Variants in UGGT2 observed in about 807,000 individuals in gnomAD.
UGGT2 encodes the protein UDP-glucose glycoprotein glucosyltransferase 2, also known as UDP-glucose:glycoprotein glucosyltransferase 2.
UGGT2 carries 180 observed loss-of-function variants against 192.1 expected under a neutral mutation model. The ratio of observed to expected loss-of-function variants is 0.94; its 90% CI spans 0.83 to 1.06. The LOEUF (loss-of-function observed/expected upper bound fraction) is 1.06. Ranked by LOEUF, UGGT2 falls within the 50% of genes least tolerant of loss-of-function variation. The pLI is 0.00. For synonymous variants in UGGT2, 580 were observed against 591.0 expected, an observed-to-expected ratio of 0.98 and a Z score of 0.27; for missense variants, 1,849 against 1,795.7, an observed-to-expected ratio of 1.03 and a Z score of -0.54.
intron 38 of UGGT2, among the ~76,000 whole-genome samples, chr13:95,813,669 A>G (rs1176426751): frequency 2.6e-5 from 4 of 152,254 alleles, no homozygotes; most frequent in Non-Finnish European, 5.9e-5. Context: ...TGCTAGAGAT[A>G]TTCGCATAAC....
In UGGT2 at chr13:95,939,873, T is replaced by A. The variant is rs566177382; in HGVS notation, c.1812+84A>T. On this transcript the variant is annotated intron_variant, in intron 16 of 38. Coordinates refer to ENST00000376747, the MANE Select transcript of UGGT2 (RefSeq NM_020121.4). The stretch of plus-strand genomic sequence containing the variant: ...CTGTTTCTGTGAGTCTGACTTTTTT[T>A]AAAGATTCTACATGAGTAGAGATCA... 4.6e-5 allele frequency: 55 copies of A among 1,184,686 alleles called. No homozygotes were observed. The African/African-American group carries it at 8.1e-4, about 17-fold the overall frequency. The allele number at this position is 1,184,686 out of a possible 1,614,324, so 73.4% of individuals were successfully genotyped here. A position where few individuals can be genotyped will look rare whatever the true frequency, so the allele number is the denominator to read the frequency against.
At chr13:95,818,826 T>C (rs1011272614) in intron 38 of UGGT2, among the ~76,000 whole-genome samples, 2 of 152,162 alleles carry the variant, frequency 1.3e-5, no homozygotes, top group Non-Finnish European at 2.9e-5. Context: ...AACAGAGACC[T>C]GCAGGAAGAA....
chr13:95,964,098 T>C (rs1373963185), intron 12 of UGGT2, among the ~76,000 whole-genome samples: 2 of 152,024 alleles, frequency 1.3e-5, no homozygotes, highest in South Asian at 2.1e-4. Flanking sequence ...CAAAACAGCA[T>C]GGTATTGATA....
chr13:95,801,585 A>G lies in UGGT2; in HGVS notation c.*205T>C. On this transcript the variant is annotated 3_prime_UTR_variant, in exon 39 of 39. Coordinates refer to ENST00000376747, the MANE Select transcript of UGGT2 (RefSeq NM_020121.4). ...AGGAAAAAGGAACAATCAGGTTTTA[A>G]ATACTCAATGGTCATTTATTATATA... 1 of 491,700 alleles carries G rather than the reference A, an allele frequency of 2.0e-6. No individual in the cohort carries two copies. Among genetic ancestry groups the G allele is most frequent in the South Asian group, 4.0e-5 (1 of 25,224 alleles). 30.5% of individuals were successfully genotyped at this position (491,700 alleles called of 1,614,324 possible).
intron 38 of UGGT2, among the ~76,000 whole-genome samples, chr13:95,825,089 A>G (rs1885887307): frequency 6.6e-6 from 1 of 152,066 alleles, no homozygotes; most frequent in South Asian, 2.1e-4. Context: ...TGTGGTTGTA[A>G]TAGTCATGTA....
intron 20 of UGGT2, among the ~76,000 whole-genome samples, chr13:95,922,624 C>T (rs1013635905): frequency 6.6e-6 from 1 of 151,508 alleles, no homozygotes; most frequent in African/African-American, 2.4e-5. Flanking sequence ...GAGTGTGACA[C>T]CAGCCTGGAT....
Position 95,952,741 on chromosome 13 carries a change from T to C in UGGT2, c.1336-3287A>G, listed in dbSNP as rs148028885. Among the ~76,000 whole-genome samples the C allele has an allele frequency of 3.2e-3, 491 of 152,246 alleles. 2 individuals carry two copies. Among genetic ancestry groups the C allele is most frequent in the African/African-American group, 0.011 (475 of 41,556 alleles). Reference sequence around the variant, plus strand: ...ATGAAGATAATATGAAAATCATAGCTTATGAGATTAGGAGACTGACATGTT... The same window carrying C: ...ATGAAGATAATATGAAAATCATAGCCTATGAGATTAGGAGACTGACATGTT... On this transcript the variant is annotated intron_variant, in intron 12 of 38. Transcript: ENST00000376747.
At chr13:95,816,851 G>A (rs1228922755) in intron 38 of UGGT2, among the ~76,000 whole-genome samples, 2 of 152,200 alleles carry the variant, frequency 1.3e-5, no homozygotes, top group African/African-American at 4.8e-5. Flanking sequence ...ACTGGGCTGG[G>A]CACAGTGGCT....
intron 1 of UGGT2, among the ~76,000 whole-genome samples, chr13:96,034,661 C>T (rs184306122): frequency 6.6e-6 from 1 of 152,334 alleles, no homozygotes; most frequent in African/African-American, 2.4e-5. Context: ...CCTGGTATCT[C>T]CAAGCTTCCA....
intron 13 of UGGT2, among the ~76,000 whole-genome samples, chr13:95,948,843 G>A (rs1442705778): frequency 1.3e-5 from 2 of 152,184 alleles, no homozygotes; most frequent in Non-Finnish European, 2.9e-5. Flanking sequence ...ATCTTCAATT[G>A]TAGTTCTCAT....
chr13:95,915,287 T>A (rs2048646035), intron 20 of UGGT2, among the ~76,000 whole-genome samples: 1 of 152,220 alleles, frequency 6.6e-6, no homozygotes, highest in Non-Finnish European at 1.5e-5. Flanking sequence ...GTCTGCAACC[T>A]GACTCTCTGC....
chr13:95,893,670 G>A (rs1295618653), intron 24 of UGGT2, among the ~76,000 whole-genome samples: 4 of 152,008 alleles, frequency 2.6e-5, no homozygotes, highest in East Asian at 3.9e-4. Flanking sequence ...CTCTTTGACA[G>A]ACAAAAAATG....
At chr13:95,844,019 G>A (rs774465343) in intron 36 of UGGT2, among the ~76,000 whole-genome samples, 19 of 151,974 alleles carry the variant, frequency 1.3e-4, no homozygotes, top group Non-Finnish European at 1.9e-4. Context: ...GGAGTGCAAT[G>A]GCATGATCTC....
At chr13:95,985,192 C>T in intron 9 of UGGT2, 3 of 887,078 alleles carry the variant, frequency 3.4e-6, no homozygotes, top group South Asian at 1.7e-5. Context: ...TTATAACGGC[C>T]ATTAATTAAA....
At chr13:95,845,281 T>G (rs1888280668) in intron 36 of UGGT2, among the ~76,000 whole-genome samples, 1 of 150,972 alleles carries the variant, frequency 6.6e-6, no homozygotes. Flanking sequence ...CAGATAAACT[T>G]GTGAACAAAG....
chr13:95,903,045 T>A lies in UGGT2; in HGVS notation c.2311A>T (p.Ser771Cys), dbSNP rs1566664770. Residue 771 changes from serine (S) to cysteine (C), a missense_variant, in exon 21 of 39, where the codon AGT becomes TGT. Ser to Cys is a moderately radical substitution (Grantham distance 112). Transcript: ENST00000376747. ...ALKHMKTSVH[S>C]RLGIIYNPTS... Reference sequence around the variant, plus strand: ...GGATTATAAATAATCCCCAACCGACTATGAACACTTGTTTTCTGCAAACAT... The same window carrying A: ...GGATTATAAATAATCCCCAACCGACAATGAACACTTGTTTTCTGCAAACAT... 1 of 1,610,796 alleles carries A rather than the reference T, an allele frequency of 6.2e-7. No individual in the cohort carries two copies. The highest frequency in any genetic ancestry group is 1.3e-5 in the African/African-American group (1 of 74,864).
rs566535536 is a variant in UGGT2, at chr13:95,999,301, T to C, written c.667A>G (p.Ser223Gly). The change falls in exon 6 of 39, where the codon AGC becomes GGC. Residue 223 changes from serine to glycine, a missense_variant. Physicochemically the swap from Ser to Gly is moderately conservative, Grantham distance 56. Transcript: ENST00000376747. ...YVLRHYIQKP[S>G]SRKMYLSGYG... ...CCAGATAAGTACATTTTCCGTGAGC[T>C]TGGTTTCTGTTCAAACACATTTATT... 2.2e-5 allele frequency: 35 copies of C among 1,613,420 alleles called. No individual in the cohort carries two copies. In the African/African-American group the frequency reaches 3.6e-4, roughly 17 times the overall value.
intron 1 of UGGT2, among the ~76,000 whole-genome samples, chr13:96,039,253 C>G (rs1469406485): frequency 6.6e-6 from 1 of 152,164 alleles, no homozygotes; most frequent in East Asian, 1.9e-4. Context: ...CATTTCCTGC[C>G]TATAGAATTT....
At chr13:96,023,792 A>G (rs749048821) in intron 2 of UGGT2, 33 bp from the exon 3 acceptor site, 3 of 1,546,006 alleles carry the variant, frequency 1.9e-6, no homozygotes, top group Admixed American at 1.7e-5. Flanking sequence ...AATAAATGTT[A>G]GCATTTTATA....
Sources: allele counts gnomAD v4.1 joint callset (sites outside exome capture counted in the v4.1 genomes callset), GRCh38; gene constraint gnomAD v4.1.1; transcripts MANE v1.5; gene names NCBI Gene and HGNC (gene_info 2026-07-23, HGNC 2026-07-21).